The following CPNE4 variants were observed in gnomAD, a reference collection of about 807,000 sequenced individuals.
CPNE4 encodes the protein copine-4.
A neutral mutation model predicts 67.9 loss-of-function variants in CPNE4; 25 were observed. The ratio of observed to expected loss-of-function variants is 0.37; its 90% CI spans 0.27 to 0.51. The LOEUF (loss-of-function observed/expected upper bound fraction) is 0.51, where lower values mean the gene tolerates loss of function less well. CPNE4 is among the 20% of genes least tolerant of loss of function. CPNE4 has a pLI of 0.93. For missense variants in CPNE4, 464 were observed against 690.8 expected, an observed-to-expected ratio of 0.67 and a Z score of 3.68; for synonymous variants, 242 against 244.9, an observed-to-expected ratio of 0.99 and a Z score of 0.11.
intron 1 of CPNE4, among the ~76,000 whole-genome samples, chr3:132,019,924 G>A (rs1248931721): frequency 6.6e-6 from 1 of 152,138 alleles, no homozygotes; most frequent in African/African-American, 2.4e-5. Flanking sequence ...TGTGTCTGCT[G>A]GGAAAGGCCA....
chr3:131,999,787 T>A (rs931314405), intron 1 of CPNE4, among the ~76,000 whole-genome samples: 2 of 151,980 alleles, frequency 1.3e-5, no homozygotes, highest in African/African-American at 4.8e-5. Context: ...TAGTAAAACT[T>A]TGGAAAAGAA....
intron 7 of CPNE4, among the ~76,000 whole-genome samples, chr3:131,612,145 A>G (rs575756157): frequency 1.2e-3 from 179 of 143,712 alleles, no homozygotes; most frequent in Non-Finnish European, 2.6e-3. Flanking sequence ...AGGCCAAGGC[A>G]GGCAGATCAC....
At chr3:131,928,728 C>T (rs1368934109) in intron 1 of CPNE4, among the ~76,000 whole-genome samples, 4 of 152,152 alleles carry the variant, frequency 2.6e-5, no homozygotes, top group African/African-American at 7.2e-5. Context: ...CTGTGCTGTC[C>T]ACACCCCAGC....
intron 2 of CPNE4, among the ~76,000 whole-genome samples, chr3:131,871,420 C>T (rs1039939445): frequency 6.6e-6 from 1 of 152,116 alleles, no homozygotes; most frequent in Admixed American, 6.5e-5. Context: ...GATTTCAGCA[C>T]CGAGAATGCT....
chr3:131,901,929 A>G (rs977099302), intron 2 of CPNE4, among the ~76,000 whole-genome samples: 1 of 152,110 alleles, frequency 6.6e-6, no homozygotes, highest in African/African-American at 2.4e-5. Flanking sequence ...GCTGACTCCA[A>G]CACATGACTG....
rs184080645 is a variant in CPNE4 at position 131,624,906 on chromosome 3, A to G, written c.682-37324T>C. On this transcript the variant is annotated intron_variant, in intron 7 of 15. Coordinates refer to ENST00000429747, the MANE Select transcript of CPNE4 (RefSeq NM_130808.3). ...ATTGTTGCCTTGACCCCAGAACTGC[A>G]CTTCTCATGCACAGAAGCTCATAGA... 3.9e-5 allele frequency among the ~76,000 whole-genome samples: 6 copies of G among 152,314 alleles called. No homozygotes were observed. The East Asian group carries it at 9.6e-4, about 24-fold the overall frequency.
At chr3:131,966,759 G>A (rs1199693627) in intron 1 of CPNE4, among the ~76,000 whole-genome samples, 2 of 152,056 alleles carry the variant, frequency 1.3e-5, no homozygotes, top group African/African-American at 4.8e-5. Context: ...AACAAAAAAA[G>A]CCCAAGACCA....
chr3:131,563,132 G>A (rs1036316631), intron 11 of CPNE4, among the ~76,000 whole-genome samples: 6 of 151,978 alleles, frequency 3.9e-5, no homozygotes, highest in African/African-American at 1.4e-4. Flanking sequence ...AGTTCCCATG[G>A]TGTGGAGGAT....
intron 1 of CPNE4, among the ~76,000 whole-genome samples, chr3:132,027,999 T>C (rs2074152251): frequency 6.6e-6 from 1 of 152,246 alleles, no homozygotes; most frequent in Admixed American, 6.5e-5. Flanking sequence ...TCTATTACAT[T>C]TCCTTCCAAA....
chr3:131,794,981 A>T (rs994649940), intron 2 of CPNE4, among the ~76,000 whole-genome samples: 13 of 152,236 alleles, frequency 8.5e-5, no homozygotes, highest in African/African-American at 3.1e-4. Context: ...TATTTCTGCA[A>T]CACTGCCATC....
intron 6 of CPNE4, among the ~76,000 whole-genome samples, chr3:131,674,192 C>T (rs1216975582): frequency 6.6e-6 from 1 of 151,788 alleles, no homozygotes; most frequent in Non-Finnish European, 1.5e-5. Flanking sequence ...TGATCTTTTT[C>T]ATGTGTTGTT....
At chr3:132,023,539 G>A (rs1382992553) in intron 1 of CPNE4, among the ~76,000 whole-genome samples, 1 of 132,796 alleles carries the variant, frequency 7.5e-6, no homozygotes, top group African/African-American at 3.0e-5. Flanking sequence ...CCAGGCTGGA[G>A]TGCAGTGGCG....
At chr3:131,774,212 C>G (rs2083239632) in intron 2 of CPNE4, among the ~76,000 whole-genome samples, 1 of 151,902 alleles carries the variant, frequency 6.6e-6, no homozygotes, top group Non-Finnish European at 1.5e-5. Context: ...TAGTTAAAAC[C>G]CCAAATGGCC....
At chr3:131,555,692 G>C in intron 11 of CPNE4, 141 bp from the exon 12 acceptor site, 1 of 684,528 alleles carries the variant, frequency 1.5e-6, no homozygotes, top group East Asian at 2.7e-5. Flanking sequence ...TTGATTGTCT[G>C]TGGTGATGGG....
intron 7 of CPNE4, among the ~76,000 whole-genome samples, chr3:131,641,974 AG>A (rs1197814027): frequency 6.6e-6 from 1 of 152,128 alleles, no homozygotes; most frequent in East Asian, 1.9e-4. Context: ...CTAAGGCATA[AG>A]AATAATACAT....
intron 1 of CPNE4, among the ~76,000 whole-genome samples, chr3:131,919,550 G>A (rs2070683898): frequency 6.6e-6 from 1 of 152,196 alleles, no homozygotes; most frequent in South Asian, 2.1e-4. Context: ...GCAATGATGG[G>A]AGGGATACAA....
intron 7 of CPNE4, among the ~76,000 whole-genome samples, chr3:131,643,197 G>C (rs879407210): frequency 6.6e-6 from 1 of 152,216 alleles, no homozygotes; most frequent in African/African-American, 2.4e-5. Flanking sequence ...TTAGCGAAGA[G>C]TTTGGTGGCA....
At chr3:131,918,659 A>G (rs2070647920) in intron 1 of CPNE4, among the ~76,000 whole-genome samples, 1 of 152,170 alleles carries the variant, frequency 6.6e-6, no homozygotes, top group African/African-American at 2.4e-5. Flanking sequence ...CTGTTATTCT[A>G]TGAGGTGCTA....
chr3:131,886,620 TGG>T (rs748594665), intron 2 of CPNE4, among the ~76,000 whole-genome samples: 1 of 152,172 alleles, frequency 6.6e-6, no homozygotes, highest in Non-Finnish European at 1.5e-5. Flanking sequence ...TGAAAGCAGC[TGG>T]GAGGGAGGCT....
Sources: allele counts gnomAD v4.1 joint callset (sites outside exome capture counted in the v4.1 genomes callset), GRCh38; gene constraint gnomAD v4.1.1; transcripts MANE v1.5; gene names NCBI Gene and HGNC (gene_info 2026-07-23, HGNC 2026-07-21).